Variants in SPATS2L observed in about 807,000 individuals in gnomAD.
SPATS2L encodes the protein spermatogenesis associated serine rich 2 like.
SPATS2L carries 30 observed loss-of-function variants against 59.6 expected under a neutral mutation model. The ratio of observed to expected loss-of-function variants is 0.50; its 90% CI spans 0.38 to 0.68. The LOEUF is 0.68. Among genes scored for constraint, SPATS2L ranks in the 30% least tolerant of loss-of-function variants. SPATS2L has a pLI of 0.00. For missense variants in SPATS2L, 615 were observed against 700.0 expected (o/e 0.88, Z 1.37); for synonymous variants, 252 against 263.5 (o/e 0.96, Z 0.42).
At chr2:200,409,169 G>A (rs147168777) in intron 3 of SPATS2L, among the ~76,000 whole-genome samples, 533 of 152,290 alleles carry the variant, frequency 3.5e-3, no homozygotes, top group African/African-American at 0.012. Context: ...CAAAACAGCC[G>A]CTGCGGGCGT....
chr2:200,475,289 C>T (rs2087427296), intron 12 of SPATS2L, among the ~76,000 whole-genome samples: 1 of 152,146 alleles, frequency 6.6e-6, no homozygotes, highest in African/African-American at 2.4e-5. Flanking sequence ...AGGTTGAGGA[C>T]GTGCACCCGT....
At chr2:200,393,046 A>G in intron 3 of SPATS2L, 1 of 349,842 alleles carries the variant, frequency 2.9e-6, no homozygotes, top group Non-Finnish European at 5.7e-6. Flanking sequence ...GCTTCTTCAT[A>G]TAATGTCTGA....
At chr2:200,401,666 G>A (rs892140442) in intron 3 of SPATS2L, among the ~76,000 whole-genome samples, 5 of 151,878 alleles carry the variant, frequency 3.3e-5, no homozygotes, top group Non-Finnish European at 7.4e-5. Flanking sequence ...TCTCACTCAC[G>A]GTTCTCAATT....
At chr2:200,457,450 TG>T (rs2085925298) in intron 8 of SPATS2L, among the ~76,000 whole-genome samples, 1 of 152,224 alleles carries the variant, frequency 6.6e-6, no homozygotes, top group Non-Finnish European at 1.5e-5. Context: ...CTGAGTAAGT[TG>T]GGGCAGAGAT....
chr2:200,361,080 C>T (rs986062034), intron 2 of SPATS2L, among the ~76,000 whole-genome samples: 5 of 95,774 alleles, frequency 5.2e-5, no homozygotes, highest in South Asian at 3.2e-4. Context: ...CCCCACCCCA[C>T]CCCCCCACAC....
At chr2:200,448,253 C>T (rs1343549195) in intron 8 of SPATS2L, among the ~76,000 whole-genome samples, 2 of 152,090 alleles carry the variant, frequency 1.3e-5, no homozygotes, top group African/African-American at 4.8e-5. Context: ...ACCAGCCTGG[C>T]CAACATGGCT....
chr2:200,306,770 G>T lies in SPATS2L; in HGVS notation c.-225G>T. On this transcript the variant is annotated 5_prime_UTR_variant, in exon 1 of 13. Transcript: ENST00000409140. ...GCTGCAAGCGCCGGCAGCGCGGGGCGAGCTCCGGACGGCGCGCGGCCCAGG... is the reference window on the plus strand; with the variant it reads ...GCTGCAAGCGCCGGCAGCGCGGGGCTAGCTCCGGACGGCGCGCGGCCCAGG... 1 of 982,338 alleles carries T rather than the reference G, an allele frequency of 1.0e-6. No individual in the cohort carries two copies. The allele number at this position is 982,338 out of a possible 1,614,324, so 60.9% of individuals were successfully genotyped here. A position where few individuals can be genotyped will look rare whatever the true frequency, so the allele number is the denominator to read the frequency against.
At chr2:200,431,281 A>G (rs1238620847) in intron 6 of SPATS2L, among the ~76,000 whole-genome samples, 2 of 152,284 alleles carry the variant, frequency 1.3e-5, no homozygotes, top group African/African-American at 4.8e-5. Flanking sequence ...TCTTTTGTAA[A>G]TATTTAAGAA....
intron 1 of SPATS2L, 94 bp from the exon 2 acceptor site, chr2:200,329,337 G>T: frequency 9.6e-7 from 1 of 1,045,750 alleles, no homozygotes; most frequent in South Asian, 1.4e-5. Context: ...CTTGACTCCA[G>T]ATCCTGTGCT....
intron 8 of SPATS2L, among the ~76,000 whole-genome samples, chr2:200,443,868 A>T (rs1274104718): frequency 2.0e-5 from 3 of 152,324 alleles, no homozygotes; most frequent in African/African-American, 4.8e-5. Flanking sequence ...CTCTCTTCCA[A>T]CCGGGCTGTG....
intron 1 of SPATS2L, among the ~76,000 whole-genome samples, chr2:200,315,828 A>G (rs1308119175): frequency 7.2e-6 from 1 of 138,494 alleles, no homozygotes; most frequent in African/African-American, 2.6e-5. Flanking sequence ...TCTGGCTAAC[A>G]CGGTGAAACC....
chr2:200,342,508 T>C (rs962633954), intron 2 of SPATS2L, among the ~76,000 whole-genome samples: 3 of 152,256 alleles, frequency 2.0e-5, no homozygotes, highest in Non-Finnish European at 2.9e-5. Context: ...GCAGCTACTC[T>C]GTGTCTGTGG....
At chr2:200,474,940 CT>C (rs1228692034) in intron 12 of SPATS2L, among the ~76,000 whole-genome samples, 1 of 152,178 alleles carries the variant, frequency 6.6e-6, no homozygotes, top group Admixed American at 6.5e-5. Context: ...GGAATCTACA[CT>C]CTTTGTTCTG....
chr2:200,437,502 A>G (rs959736523), intron 6 of SPATS2L, among the ~76,000 whole-genome samples: 1 of 152,040 alleles, frequency 6.6e-6, no homozygotes, highest in Non-Finnish European at 1.5e-5. Context: ...ACCAAGGGAA[A>G]CTCATTTCAC....
At chr2:200,321,929 T>C (rs573434902) in intron 1 of SPATS2L, among the ~76,000 whole-genome samples, 1 of 152,282 alleles carries the variant, frequency 6.6e-6, no homozygotes, top group Admixed American at 6.5e-5. Context: ...GTGGTAGAGA[T>C]GGTGTTTGAA....
chr2:200,458,630 A>C (rs1370875610), intron 8 of SPATS2L, among the ~76,000 whole-genome samples: 1 of 152,210 alleles, frequency 6.6e-6, no homozygotes, highest in Non-Finnish European at 1.5e-5. Context: ...AAAGGGGATG[A>C]GAAAACAGAT....
At chr2:200,368,862 A>G (rs1163105041) in intron 2 of SPATS2L, among the ~76,000 whole-genome samples, 1 of 152,218 alleles carries the variant, frequency 6.6e-6, no homozygotes, top group Non-Finnish European at 1.5e-5. Flanking sequence ...CTTGGCACAT[A>G]GCTGATACCC....
intron 3 of SPATS2L, among the ~76,000 whole-genome samples, chr2:200,402,851 T>G (rs1410320153): frequency 6.6e-6 from 1 of 152,178 alleles, no homozygotes; most frequent in Admixed American, 6.6e-5. Context: ...ATCTAAGATA[T>G]AGAGGATGTC....
chr2:200,478,101 C>A lies in SPATS2L; in HGVS notation c.*70C>A. On this transcript the variant is annotated 3_prime_UTR_variant, in exon 13 of 13. Coordinates refer to ENST00000409140, the MANE Select transcript of SPATS2L (RefSeq NM_001100423.2). ...CCCGAGGTGCTGACCCAATTCGCTG[C>A]CAAAAGAGTGTCAATCAGAATATAC... 7.1e-7 allele frequency: 1 copy of A among 1,405,102 alleles called. No homozygotes were observed. The highest frequency in any genetic ancestry group is 9.6e-7 in the Non-Finnish European group (1 of 1,047,096). The allele number at this position is 1,405,102 out of a possible 1,614,324, so 87.0% of individuals were successfully genotyped here. A position where few individuals can be genotyped will look rare whatever the true frequency, so the allele number is the denominator to read the frequency against.
Sources: allele counts gnomAD v4.1 joint callset (sites outside exome capture counted in the v4.1 genomes callset), GRCh38; gene constraint gnomAD v4.1.1; transcripts MANE v1.5; gene names NCBI Gene and HGNC (gene_info 2026-07-23, HGNC 2026-07-21).